PTPRT: variants seen among roughly 807,000 people sequenced by gnomAD.
The protein encoded by PTPRT is protein tyrosine phosphatase receptor type T.
In PTPRT, 56 loss-of-function variants were observed where a neutral mutation model predicts 176.8. The ratio of observed to expected loss-of-function variants is 0.32; its 90% CI spans 0.26 to 0.40. PTPRT has a LOEUF of 0.40. PTPRT is among the 10% of genes least tolerant of loss of function. The probability of loss-of-function intolerance (pLI) is 1.00; values close to 1 mark genes in which losing one functional copy is unlikely to be tolerated. For synonymous variants in PTPRT, 783 were observed against 739.0 expected (o/e 1.06, Z -0.96); for missense variants, 1,540 against 1,908.2 (o/e 0.81, Z 3.60).
rs544878116 is a variant in PTPRT at position 42,970,627 on chromosome 20, T to C, written c.89-84695A>G. 9.8e-5 allele frequency among the ~76,000 whole-genome samples: 15 copies of C among 152,326 alleles called. No individual in the cohort carries two copies. The South Asian group carries it at 2.9e-3, about 29-fold the overall frequency. On this transcript the variant is annotated intron_variant, in intron 1 of 30. Transcript: ENST00000373187. ...GAGATTGTATTTAAAGCATTTGGAA[T>C]ATAGCAAGTCCAATCTTAGCCTCTG... is the stretch of plus-strand genomic sequence containing the variant.
At chr20:42,271,142 G>A (rs56362826) in intron 13 of PTPRT, among the ~76,000 whole-genome samples, 2,328 of 152,116 alleles carry the variant, frequency 0.015, 53 homozygotes, top group African/African-American at 0.049. Flanking sequence ...CAGCTCACAG[G>A]CCCTCCATGA....
chr20:42,454,417 C>A (rs1268033031), intron 8 of PTPRT, among the ~76,000 whole-genome samples: 1 of 152,084 alleles, frequency 6.6e-6, no homozygotes, highest in East Asian at 1.9e-4. Flanking sequence ...CAGTGTAATG[C>A]CAAATTGTTT....
intron 6 of PTPRT, among the ~76,000 whole-genome samples, chr20:42,679,816 C>T (rs2146076540): frequency 6.6e-6 from 1 of 152,204 alleles, no homozygotes; most frequent in South Asian, 2.1e-4. Context: ...GATTGCTGGA[C>T]CCATGAGTTG....
intron 1 of PTPRT, among the ~76,000 whole-genome samples, chr20:43,063,893 G>A (rs1249144940): frequency 6.6e-6 from 1 of 152,100 alleles, no homozygotes; most frequent in Non-Finnish European, 1.5e-5. Context: ...TGAGTTCAGA[G>A]GTCTCAGAGA....
At chr20:42,353,245 C>T (rs1400881378) in intron 9 of PTPRT, among the ~76,000 whole-genome samples, 2 of 152,186 alleles carry the variant, frequency 1.3e-5, no homozygotes, top group Non-Finnish European at 2.9e-5. Flanking sequence ...GTTAAAAATG[C>T]AGATCCCAGG....
chr20:43,092,205 G>T (rs756498679), intron 1 of PTPRT, among the ~76,000 whole-genome samples: 6 of 152,214 alleles, frequency 3.9e-5, no homozygotes, highest in Non-Finnish European at 8.8e-5. Flanking sequence ...GCACACAGTG[G>T]ATCCCCACAG....
intron 6 of PTPRT, among the ~76,000 whole-genome samples, chr20:42,693,030 G>T (rs544904577): frequency 3.3e-5 from 5 of 152,114 alleles, no homozygotes; most frequent in Non-Finnish European, 5.9e-5. Flanking sequence ...TAAGGTTAAC[G>T]CACTTTATGT....
chr20:42,958,142 G>A (rs1368086351), intron 1 of PTPRT, among the ~76,000 whole-genome samples: 2 of 124,276 alleles, frequency 1.6e-5, no homozygotes, highest in Non-Finnish European at 3.4e-5. Flanking sequence ...TGTACCTCGA[G>A]AGGCTAGGCA....
intron 16 of PTPRT, among the ~76,000 whole-genome samples, chr20:42,184,466 C>T (rs1990644315): frequency 6.8e-6 from 1 of 147,586 alleles, no homozygotes; most frequent in African/African-American, 2.5e-5. Flanking sequence ...CCCTCCCCTC[C>T]CCACTCCTTC....
At chr20:42,541,946 A>G (rs1201738227) in intron 7 of PTPRT, among the ~76,000 whole-genome samples, 2 of 152,178 alleles carry the variant, frequency 1.3e-5, no homozygotes, top group Non-Finnish European at 2.9e-5. Flanking sequence ...AGCTCCCATA[A>G]TCCCCATGTG....
chr20:42,943,887 C>T (rs986684145), intron 1 of PTPRT, among the ~76,000 whole-genome samples: 3 of 152,008 alleles, frequency 2.0e-5, no homozygotes, highest in South Asian at 4.2e-4. Context: ...GGAATGGTGA[C>T]GCATGCCTGC....
intron 9 of PTPRT, among the ~76,000 whole-genome samples, chr20:42,361,175 C>T (rs1206946879): frequency 2.0e-5 from 3 of 152,130 alleles, no homozygotes; most frequent in Admixed American, 1.3e-4. Context: ...GAGCCCACCC[C>T]ACTCAGGAGG....
At chr20:42,521,343 G>A (rs1309921572) in intron 7 of PTPRT, among the ~76,000 whole-genome samples, 1 of 152,000 alleles carries the variant, frequency 6.6e-6, no homozygotes, top group African/African-American at 2.4e-5. Context: ...TGGTTCTCAC[G>A]GAGATAAGGG....
intron 2 of PTPRT, among the ~76,000 whole-genome samples, chr20:42,853,215 C>A (rs1381458251): frequency 1.3e-5 from 2 of 152,092 alleles, no homozygotes; most frequent in East Asian, 3.9e-4. Flanking sequence ...TAAGCAGAAG[C>A]CTCATATGAA....
chr20:42,879,975 G>A (rs993940198), intron 2 of PTPRT, among the ~76,000 whole-genome samples: 2 of 152,158 alleles, frequency 1.3e-5, no homozygotes, highest in African/African-American at 4.8e-5. Flanking sequence ...GCTGGGGTCT[G>A]GAAGGACTGG....
intron 7 of PTPRT, among the ~76,000 whole-genome samples, chr20:42,617,871 T>G (rs1040733629): frequency 1.4e-5 from 2 of 138,882 alleles, no homozygotes; most frequent in Non-Finnish European, 3.0e-5. Flanking sequence ...TCAATTTTGT[T>G]GATCCTTTCA....
chr20:42,533,831 T>TC lies in PTPRT; in HGVS notation c.1154-61270dup, dbSNP rs534885646. On this transcript the variant is annotated intron_variant, in intron 7 of 30. Coordinates refer to ENST00000373187, the MANE Select transcript of PTPRT (RefSeq NM_007050.6). ...CCCTCCCTCAGCCTCAGTCCCTACT[T>TC]CTGTAAATTGGGTCAATGGTTGTTG... Among the ~76,000 whole-genome samples, 697 of 152,308 alleles carry TC rather than the reference T, an allele frequency of 4.6e-3. 4 individuals are homozygous for TC. The highest frequency in any genetic ancestry group is 0.016 in the African/African-American group (665 of 41,580).
chr20:42,807,720 C>T (rs937984534), intron 2 of PTPRT, among the ~76,000 whole-genome samples: 2 of 152,152 alleles, frequency 1.3e-5, no homozygotes, highest in African/African-American at 4.8e-5. Flanking sequence ...CCTGCTTAAT[C>T]GGGCTTCAAT....
intron 15 of PTPRT, among the ~76,000 whole-genome samples, chr20:42,206,575 G>A (rs888870968): frequency 1.3e-5 from 2 of 152,206 alleles, no homozygotes; most frequent in Admixed American, 6.5e-5. Context: ...CATTTCCGAC[G>A]GGCTTAAAAA....
Sources: gnomAD v4.1 joint callset for allele counts (sites outside exome capture counted in the v4.1 genomes callset) on GRCh38, gnomAD v4.1.1 for gene constraint, MANE v1.5 for transcripts, NCBI Gene and HGNC (gene_info 2026-07-23, HGNC 2026-07-21) for gene names.